Variants in NREP observed in about 807,000 individuals in gnomAD.
NREP encodes the protein neuronal regeneration related protein.
A neutral mutation model predicts 8.6 loss-of-function variants in NREP; 5 were observed. The ratio of observed to expected loss-of-function variants is 0.58; its 90% CI spans 0.30 to 1.22. NREP has a LOEUF of 1.22. Among genes scored for constraint, NREP ranks in the 50% most tolerant of loss-of-function variants. The probability of loss-of-function intolerance (pLI) is 0.07; values close to 1 mark genes in which losing one functional copy is unlikely to be tolerated. For missense variants in NREP, 86 were observed against 82.5 expected, an observed-to-expected ratio of 1.04 and a Z score of -0.17; for synonymous variants, 27 against 28.0, an observed-to-expected ratio of 0.96 and a Z score of 0.11.
chr5:111,922,555 C>A (rs1181603133), intron 2 of NREP, among the ~76,000 whole-genome samples: 1 of 152,112 alleles, frequency 6.6e-6, no homozygotes, highest in Non-Finnish European at 1.5e-5. Flanking sequence ...ATTCTCTGAG[C>A]TCGATGGAGA....
intron 2 of NREP, chr5:111,969,610 C>G (rs1336399654): frequency 6.6e-6 from 1 of 152,130 alleles, no homozygotes; most frequent in African/African-American, 2.4e-5. Flanking sequence ...CATGTTGAAG[C>G]AGCCCTCAAA....
chr5:111,959,422 A>T (rs1262200475), intron 2 of NREP, among the ~76,000 whole-genome samples: 1 of 152,032 alleles, frequency 6.6e-6, no homozygotes, highest in Non-Finnish European at 1.5e-5. Context: ...CCAGCTGTAT[A>T]CATACATGTG....
chr5:111,876,325 A>G (rs1330475820), intron 2 of NREP, among the ~76,000 whole-genome samples: 3 of 152,186 alleles, frequency 2.0e-5, no homozygotes, highest in Admixed American at 2.0e-4. Context: ...TGCCCTCACT[A>G]TCCGCCTAAA....
At chr5:111,923,132 A>G (rs1755292123) in intron 2 of NREP, among the ~76,000 whole-genome samples, 1 of 152,208 alleles carries the variant, frequency 6.6e-6, no homozygotes, top group African/African-American at 2.4e-5. Flanking sequence ...GAGGATAAGA[A>G]AGACATATTT....
chr5:111,867,542 C>A (rs1392698654), intron 2 of NREP, among the ~76,000 whole-genome samples: 8 of 152,014 alleles, frequency 5.3e-5, no homozygotes, highest in Non-Finnish European at 1.2e-4. Context: ...TGTGTGAGAT[C>A]TTGGGTGTTA....
chr5:111,735,321 T>C (rs993498093), intron 3 of NREP, 109 bp downstream of exon 3: 1 of 647,052 alleles, frequency 1.5e-6, no homozygotes, highest in African/African-American at 1.8e-5. Flanking sequence ...GATTAATGGA[T>C]TGTTATAGCA....
At chr5:111,971,200 A>G (rs1756807040) in intron 2 of NREP, among the ~76,000 whole-genome samples, 1 of 152,238 alleles carries the variant, frequency 6.6e-6, no homozygotes, top group South Asian at 2.1e-4. Context: ...ACCTAATAAA[A>G]TTTGTTGATG....
intron 1 of NREP, 197 bp from the exon 2 acceptor site, chr5:111,756,027 C>T (rs2112852606): frequency 7.4e-7 from 1 of 1,353,398 alleles, no homozygotes; most frequent in Non-Finnish European, 9.5e-7. Flanking sequence ...ACAAAGGAAT[C>T]CCTGGTACTT....
At chr5:111,887,173 C>G (rs945104968) in intron 2 of NREP, among the ~76,000 whole-genome samples, 1 of 152,072 alleles carries the variant, frequency 6.6e-6, no homozygotes, top group Non-Finnish European at 1.5e-5. Context: ...ATCTTCCTTC[C>G]TTGGTCTCCC....
At position 111,735,512 on chromosome 5, in the gene NREP, A is replaced by T; in HGVS notation, c.4-5T>A. 6.2e-7 allele frequency: 1 copy of T among 1,605,906 alleles called. No individual in the cohort carries two copies. Among genetic ancestry groups the T allele is most frequent in the Non-Finnish European group, 8.5e-7 (1 of 1,173,274 alleles). Reference sequence around the variant, plus strand: ...AAAGAGTTCTGGGTAATAAACCTATAGAGACACAAAAGCATACACATTCAG... The same window carrying T: ...AAAGAGTTCTGGGTAATAAACCTATTGAGACACAAAAGCATACACATTCAG... On this transcript the variant is annotated splice_region_variant and splice_polypyrimidine_tract_variant and intron_variant, in intron 2 of 3. Coordinates refer to ENST00000257435, the MANE Select transcript of NREP (RefSeq NM_004772.4).
chr5:111,846,044 A>G lies in NREP; in HGVS notation c.136-110537T>C, dbSNP rs1486474663. On this transcript the variant is annotated intron_variant, in intron 2 of 3. Transcript: ENST00000395634. ...GACAGTCAAAGTCTCCCGTAAGTCA[A>G]TATCCCACGATTTTCTGGTTACACC... The G allele has an allele frequency of 2.6e-5, 4 of 156,074 alleles. No homozygotes were observed. In the East Asian group the frequency reaches 7.4e-4, roughly 29 times the overall value. 9.7% of individuals were successfully genotyped at this position (156,074 alleles called of 1,614,324 possible).
At chr5:111,918,754 A>T (rs908602967) in intron 2 of NREP, among the ~76,000 whole-genome samples, 3 of 152,240 alleles carry the variant, frequency 2.0e-5, no homozygotes, top group Non-Finnish European at 2.9e-5. Flanking sequence ...AAACCATAAA[A>T]GCCCTAGAAG....
chr5:111,975,307 G>A lies in NREP; in HGVS notation c.102C>T (p.Phe34=), dbSNP rs776729447. 7.1e-6 allele frequency: 11 copies of A among 1,551,570 alleles called. No individual in the cohort carries two copies. The East Asian group carries it at 1.2e-4, about 17-fold the overall frequency. The change falls in exon 2 of 4, where the codon TTC becomes TTT. Residue 34 remains phenylalanine, a synonymous_variant. Transcript: ENST00000395634. Reference sequence around the variant, plus strand: ...GAACAGAAATCTGGCAGTGAACCTGGAAACATTTGGAACAAGGGACTCTGT... The same window carrying A: ...GAACAGAAATCTGGCAGTGAACCTGAAAACATTTGGAACAAGGGACTCTGT...
intron 2 of NREP, among the ~76,000 whole-genome samples, chr5:111,839,627 G>A (rs536847809): frequency 6.6e-6 from 1 of 152,084 alleles, no homozygotes; most frequent in East Asian, 1.9e-4. Context: ...TTATTGCTAT[G>A]GGGATAGTCC....
At chr5:111,973,128 G>C (rs1756867297) in intron 2 of NREP, among the ~76,000 whole-genome samples, 1 of 152,102 alleles carries the variant, frequency 6.6e-6, no homozygotes, top group Non-Finnish European at 1.5e-5. Flanking sequence ...AACAGGAAGA[G>C]GGACTTCTTT....
chr5:111,964,454 C>A (rs1260546904), intron 2 of NREP, among the ~76,000 whole-genome samples: 1 of 152,098 alleles, frequency 6.6e-6, no homozygotes, highest in Non-Finnish European at 1.5e-5. Flanking sequence ...TGCAACCTCG[C>A]CTCCTGTGTT....
At chr5:111,918,300 C>T (rs1755122824) in intron 2 of NREP, among the ~76,000 whole-genome samples, 1 of 152,160 alleles carries the variant, frequency 6.6e-6, no homozygotes, top group African/African-American at 2.4e-5. Context: ...TTTATAGATT[C>T]AATGCTATCC....
At chr5:111,819,946 A>G (rs751443502) in intron 2 of NREP, among the ~76,000 whole-genome samples, 2 of 152,204 alleles carry the variant, frequency 1.3e-5, no homozygotes, top group Non-Finnish European at 2.9e-5. Context: ...AATAAGCCTC[A>G]CTTTCAGTAA....
chr5:111,879,356 G>T (rs187363004), intron 2 of NREP, among the ~76,000 whole-genome samples: 1 of 152,152 alleles, frequency 6.6e-6, no homozygotes, highest in African/African-American at 2.4e-5. Context: ...AAGCACTGAG[G>T]ATAAAAGATC....
Sources: allele counts gnomAD v4.1 joint callset (sites outside exome capture counted in the v4.1 genomes callset), GRCh38; gene constraint gnomAD v4.1.1; transcripts MANE v1.5; gene names NCBI Gene and HGNC (gene_info 2026-07-23, HGNC 2026-07-21).